GRAP2: variants seen among roughly 807,000 people sequenced by gnomAD.
GRAP2 encodes GRB2 related adaptor protein 2, also known as GRB2-related adapter protein 2.
GRAP2 carries 31 observed loss-of-function variants against 43.5 expected under a neutral mutation model. The observed-to-expected ratio is 0.71, with a 90% CI of 0.54 to 0.96. The LOEUF (loss-of-function observed/expected upper bound fraction) is 0.96, where lower values mean the gene tolerates loss of function less well. GRAP2 is among the 40% of genes least tolerant of loss of function. The pLI, the probability that GRAP2 is intolerant of heterozygous loss-of-function variation, is 0.00. For missense variants in GRAP2, 371 were observed against 424.4 expected (o/e 0.87, Z 1.11); for synonymous variants, 156 against 164.8 (o/e 0.95, Z 0.41).
intron 1 of GRAP2, among the ~76,000 whole-genome samples, chr22:39,941,600 A>T (rs1227094254): frequency 6.6e-6 from 1 of 152,204 alleles, no homozygotes; most frequent in Non-Finnish European, 1.5e-5. Context: ...CAAAAGAATA[A>T]TAATACTTCC....
chr22:39,968,318 C>A lies in GRAP2; in HGVS notation c.690+46C>A. 5 of 1,586,868 alleles carry A rather than the reference C, an allele frequency of 3.2e-6. No individual in the cohort carries two copies. In the South Asian group the frequency reaches 5.7e-5, roughly 18 times the overall value. ...GGGCACAGTACGGTGGAAAGGAGAACCTGCCTCCCCTCCAGGCCTGGCCCA... is the reference window on the plus strand; with the variant it reads ...GGGCACAGTACGGTGGAAAGGAGAAACTGCCTCCCCTCCAGGCCTGGCCCA... On this transcript the variant is annotated intron_variant, in intron 6 of 7. Transcript: ENST00000344138.
At chr22:39,908,463 G>A (rs1340837426) in intron 1 of GRAP2, among the ~76,000 whole-genome samples, 1 of 152,206 alleles carries the variant, frequency 6.6e-6, no homozygotes, top group Non-Finnish European at 1.5e-5. Flanking sequence ...AGTTCAGGGA[G>A]TCATATGGAA....
chr22:39,920,945 CA>C, intron 1 of GRAP2, among the ~76,000 whole-genome samples: 1 of 4,036 alleles, frequency 2.5e-4, no homozygotes, highest in Admixed American at 1.2e-3. Context: ...TCTACACAGA[CA>C]CACACACACA....
intron 4 of GRAP2, among the ~76,000 whole-genome samples, chr22:39,961,594 C>T (rs537060768): frequency 6.6e-6 from 1 of 152,130 alleles, no homozygotes; most frequent in African/African-American, 2.4e-5. Flanking sequence ...TCAGTCCACG[C>T]GTAGACATTA....
chr22:39,968,572 A>C, intron 6 of GRAP2: 1 of 466,222 alleles, frequency 2.1e-6, no homozygotes, highest in Non-Finnish European at 3.8e-6. Context: ...CTATCAGCAC[A>C]ATTCCAAATC....
At chr22:39,910,553 C>T (rs936014901) in intron 1 of GRAP2, among the ~76,000 whole-genome samples, 9 of 151,926 alleles carry the variant, frequency 5.9e-5, no homozygotes, top group African/African-American at 1.9e-4. Flanking sequence ...GGATTACAGG[C>T]GCCCGCCACC....
chr22:39,967,575 G>A (rs1347793732), intron 5 of GRAP2, among the ~76,000 whole-genome samples: 1 of 152,192 alleles, frequency 6.6e-6, no homozygotes, highest in Non-Finnish European at 1.5e-5. Context: ...TGGTTCCCAT[G>A]GTGTTGCAAG....
At chr22:39,923,375 C>G (rs968924145) in intron 1 of GRAP2, among the ~76,000 whole-genome samples, 2 of 152,222 alleles carry the variant, frequency 1.3e-5, no homozygotes, top group African/African-American at 4.8e-5. Flanking sequence ...ATGGGACATA[C>G]ATGAGCTAAG....
intron 2 of GRAP2, among the ~76,000 whole-genome samples, chr22:39,954,586 C>G (rs1038608606): frequency 2.6e-5 from 4 of 152,042 alleles, no homozygotes; most frequent in Non-Finnish European, 5.9e-5. Flanking sequence ...GTAGAGATGG[C>G]ATTTCACCAT....
In GRAP2 at chr22:39,971,500, T is replaced by C. The variant is rs2067243133; in HGVS notation, c.*416T>C. On this transcript the variant is annotated 3_prime_UTR_variant, in exon 8 of 8. Coordinates refer to ENST00000344138, the MANE Select transcript of GRAP2 (RefSeq NM_004810.4). ...GTGGGGTTGAACTTGGTGGGGCACG[T>C]TCTAGCTGACCTGCAAGCCCCGCTC... 5.9e-6 allele frequency: 1 copy of C among 169,396 alleles called. No individual in the cohort carries two copies. Among genetic ancestry groups the C allele is most frequent in the African/African-American group, 2.4e-5 (1 of 41,728 alleles). The allele number at this position is 169,396 out of a possible 1,614,324, so 10.5% of individuals were successfully genotyped here.
At chr22:39,920,206 G>A (rs894786975) in intron 1 of GRAP2, among the ~76,000 whole-genome samples, 3 of 152,136 alleles carry the variant, frequency 2.0e-5, no homozygotes, top group Non-Finnish European at 2.9e-5. Context: ...ATCTGCCTCC[G>A]CTCCTTTGGT....
intron 4 of GRAP2, among the ~76,000 whole-genome samples, chr22:39,962,365 G>A (rs1238715404): frequency 6.6e-6 from 1 of 152,048 alleles, no homozygotes. Flanking sequence ...AGGTTGCAGT[G>A]AGCCAAGATC....
chr22:39,898,793 A>G (rs954477415), upstream of GRAP2, among the ~76,000 whole-genome samples: 6 of 152,210 alleles, frequency 3.9e-5, no homozygotes, highest in Non-Finnish European at 8.8e-5. Context: ...AGCCTGGGCA[A>G]CCGAGCGAGA....
chr22:39,909,019 C>G (rs1461601129), intron 1 of GRAP2, among the ~76,000 whole-genome samples: 3 of 152,172 alleles, frequency 2.0e-5, no homozygotes, highest in Non-Finnish European at 2.9e-5. Flanking sequence ...GAAATTATGC[C>G]ATTCTTTAAC....
chr22:39,897,870 A>G (rs747996733), upstream of GRAP2, among the ~76,000 whole-genome samples: 92 of 151,998 alleles, frequency 6.1e-4, 1 homozygote, highest in Admixed American at 5.7e-3. Context: ...CTCCCTTGCT[A>G]TCTAATTTCA....
At chr22:39,933,181 C>T (rs2066773499) in intron 1 of GRAP2, among the ~76,000 whole-genome samples, 1 of 152,224 alleles carries the variant, frequency 6.6e-6, no homozygotes, top group Non-Finnish European at 1.5e-5. Context: ...GATGCAGCCC[C>T]ATACTGGGAC....
chr22:39,908,326 G>A (rs983748278), intron 1 of GRAP2, among the ~76,000 whole-genome samples: 3 of 152,192 alleles, frequency 2.0e-5, no homozygotes, highest in Non-Finnish European at 4.4e-5. Flanking sequence ...GCCTTTGTGG[G>A]CTGCTTGGGT....
At chr22:39,914,494 G>A (rs549320739) in intron 1 of GRAP2, among the ~76,000 whole-genome samples, 8 of 151,998 alleles carry the variant, frequency 5.3e-5, no homozygotes, top group East Asian at 1.9e-4. Context: ...TTTTCATTTC[G>A]AATGAGCTGC....
At position 39,965,994 on chromosome 22, in the gene GRAP2, G is replaced by A; in HGVS notation, c.295G>A (p.Glu99Lys). 2 of 1,613,944 alleles carry A rather than the reference G, an allele frequency of 1.2e-6. No homozygotes were observed. Among genetic ancestry groups the A allele is most frequent in the Non-Finnish European group, 1.7e-6 (2 of 1,179,778 alleles). The change falls in exon 5 of 8, where the codon GAG becomes AAG. Residue 99 changes from glutamate (E) to lysine (K), a missense_variant. By Grantham distance (56) the Glu-to-Lys change is moderately conservative. Transcript: ENST00000344138. ...PGDFSISVRH[E>K]DDVQHFKVMR... Reference sequence around the variant, plus strand: ...TTGTTTTGCCTTGATCTCCAGGCATGAGGATGACGTTCAACACTTCAAGGT... The same window carrying A: ...TTGTTTTGCCTTGATCTCCAGGCATAAGGATGACGTTCAACACTTCAAGGT...
Sources: allele counts gnomAD v4.1 joint callset (sites outside exome capture counted in the v4.1 genomes callset), GRCh38; gene constraint gnomAD v4.1.1; transcripts MANE v1.5; gene names NCBI Gene and HGNC (gene_info 2026-07-23, HGNC 2026-07-21).